Variants in TOGARAM2 observed in about 807,000 individuals in gnomAD.
TOGARAM2 encodes TOG array regulator of axonemal microtubules protein 2.
TOGARAM2 carries 85 observed loss-of-function variants against 93.3 expected under a neutral mutation model. The ratio of observed to expected loss-of-function variants is 0.91; its 90% CI spans 0.76 to 1.09. TOGARAM2 has a LOEUF of 1.09. Among genes scored for constraint, TOGARAM2 ranks in the 50% least tolerant of loss-of-function variants. TOGARAM2 has a pLI of 0.00. For missense variants in TOGARAM2, 1,277 were observed against 1,334.5 expected, an observed-to-expected ratio of 0.96 and a Z score of 0.67; for synonymous variants, 593 against 552.8, an observed-to-expected ratio of 1.07 and a Z score of -1.02.
chr2:29,036,754 C>T lies in TOGARAM2; in HGVS notation c.2632C>T (p.Leu878=). 6.2e-7 allele frequency: 1 copy of T among 1,612,150 alleles called. No individual in the cohort carries two copies. The highest frequency in any genetic ancestry group is 8.5e-7 in the Non-Finnish European group (1 of 1,179,102). The part of the protein sequence containing the change: ...VAVLDAMVES[L]DNLCLLPALA... ...TGTGCTGGATGCGATGGTTGAGAGC[C>T]TGGGTGAGTGTCCCACGTGGGCCTG... The change falls in exon 18 of 20, where the codon CTG becomes TTG. Residue 878 remains leucine, a synonymous_variant. Coordinates refer to ENST00000379558, the MANE Select transcript of TOGARAM2 (RefSeq NM_199280.4).
intron 13 of TOGARAM2, 100 bp from the exon 14 acceptor site, chr2:29,026,753 C>A: frequency 7.8e-7 from 1 of 1,276,550 alleles, no homozygotes; most frequent in Non-Finnish European, 1.0e-6. Flanking sequence ...CCCTGGCTGG[C>A]ATGAAGCATG....
intron 2 of TOGARAM2, among the ~76,000 whole-genome samples, chr2:28,996,075 T>TTCCTG (rs927706481): frequency 5.3e-5 from 8 of 152,218 alleles, no homozygotes; most frequent in African/African-American, 1.9e-4. Flanking sequence ...CCTGGGGCTG[T>TTCCTG]GGGAACACAG....
At chr2:29,041,188 C>T (rs1666415624) in intron 18 of TOGARAM2, among the ~76,000 whole-genome samples, 1 of 152,084 alleles carries the variant, frequency 6.6e-6, no homozygotes, top group Non-Finnish European at 1.5e-5. Flanking sequence ...CCACACCCGG[C>T]CAATTTTTGT....
intron 2 of TOGARAM2, among the ~76,000 whole-genome samples, chr2:28,996,887 C>A (rs1004297798): frequency 2.2e-5 from 3 of 138,158 alleles, no homozygotes; most frequent in African/African-American, 8.0e-5. Flanking sequence ...TTTTTTTATT[C>A]TTTTTTATGG....
chr2:28,968,837 A>T (rs1311158812), intron 1 of TOGARAM2, among the ~76,000 whole-genome samples: 2 of 130,146 alleles, frequency 1.5e-5, no homozygotes, highest in Admixed American at 8.1e-5. Flanking sequence ...AAAAAAAAAA[A>T]AAACAAGGAA....
intron 18 of TOGARAM2, among the ~76,000 whole-genome samples, chr2:29,044,404 T>A (rs780748923): frequency 6.6e-6 from 1 of 152,072 alleles, no homozygotes; most frequent in Non-Finnish European, 1.5e-5. Flanking sequence ...GATGATAATA[T>A]GTGCTCCTCA....
intron 18 of TOGARAM2, among the ~76,000 whole-genome samples, chr2:29,038,320 A>C (rs1666239069): frequency 6.6e-6 from 1 of 152,078 alleles, no homozygotes; most frequent in Non-Finnish European, 1.5e-5. Context: ...GCTTTGGTGC[A>C]ATGGGAAGGG....
intron 19 of TOGARAM2, 189 bp downstream of exon 19, chr2:29,045,599 A>G: frequency 1.6e-6 from 1 of 614,704 alleles, no homozygotes; most frequent in Non-Finnish European, 2.9e-6. Flanking sequence ...TTTGTTTTTG[A>G]TCAAAATGAA....
At chr2:28,957,583 C>T (rs1019332775) in intron 1 of TOGARAM2, among the ~76,000 whole-genome samples, 1 of 152,200 alleles carries the variant, frequency 6.6e-6, no homozygotes, top group African/African-American at 2.4e-5. Flanking sequence ...AATTGTGGCT[C>T]TTCTCCCTCT....
chr2:28,979,651 T>G (rs1282683158), upstream of TOGARAM2, among the ~76,000 whole-genome samples: 15 of 152,194 alleles, frequency 9.9e-5, no homozygotes, highest in Admixed American at 9.8e-4. Flanking sequence ...CCAGCCCACC[T>G]TGGGAACACA....
At chr2:29,040,780 A>G (rs1666384176) in intron 18 of TOGARAM2, among the ~76,000 whole-genome samples, 1 of 152,116 alleles carries the variant, frequency 6.6e-6, no homozygotes, top group Admixed American at 6.5e-5. Context: ...CTGCGCCATA[A>G]GGCTCTCCCA....
chr2:29,024,494 A>C (rs1429969622), intron 13 of TOGARAM2, 120 bp downstream of exon 13: 60 of 828,280 alleles, frequency 7.2e-5, no homozygotes, highest in Non-Finnish European at 1.9e-5. Flanking sequence ...GAAGCAGGCA[A>C]GTGAGGCTGC....
intron 1 of TOGARAM2, among the ~76,000 whole-genome samples, chr2:28,994,303 G>A (rs1672882957): frequency 6.6e-6 from 1 of 152,122 alleles, no homozygotes; most frequent in Non-Finnish European, 1.5e-5. Context: ...GAGAGGCCCC[G>A]CCAACACCTG....
At chr2:28,973,706 T>C (rs1365242624) in intron 1 of TOGARAM2, among the ~76,000 whole-genome samples, 2 of 151,968 alleles carry the variant, frequency 1.3e-5, no homozygotes, top group African/African-American at 4.8e-5. Context: ...AAAAATGTTT[T>C]TGTAGAGCTC....
At chr2:29,026,196 C>G (rs1665346882) in intron 13 of TOGARAM2, among the ~76,000 whole-genome samples, 2 of 152,234 alleles carry the variant, frequency 1.3e-5, no homozygotes, top group African/African-American at 4.8e-5. Flanking sequence ...GCTCTTGTTT[C>G]TGCCTCACCC....
In TOGARAM2 at chr2:29,052,081, T is replaced by G. The variant is rs77810069; in HGVS notation, c.3048T>G (p.Phe1016Leu). ...AGACAACTGGCAGCTCATACCCTTTTCAGCTGGATTAAAGATGGATCTGAA... is the reference window on the plus strand; with the variant it reads ...AGACAACTGGCAGCTCATACCCTTTGCAGCTGGATTAAAGATGGATCTGAA... ...DSKTTGSSYP[F>L]QLD is the part of the protein sequence containing the mutation. The change falls in exon 20 of 20, where the codon TTT becomes TTG. Residue 1016 changes from phenylalanine (F) to leucine (L), a missense_variant. Phe to Leu is a conservative substitution (Grantham distance 22). Coordinates refer to ENST00000379558, the MANE Select transcript of TOGARAM2 (RefSeq NM_199280.4). 2,629 of 1,574,206 alleles carry G rather than the reference T, an allele frequency of 1.7e-3. 92 individuals carry two copies. In the East Asian group the frequency reaches 0.047, roughly 28 times the overall value.
intron 1 of TOGARAM2, among the ~76,000 whole-genome samples, chr2:28,957,215 G>A (rs1325599425): frequency 6.6e-6 from 1 of 152,086 alleles, no homozygotes. Flanking sequence ...GTTTGTTTGA[G>A]ATGGAGTTTT....
intron 1 of TOGARAM2, among the ~76,000 whole-genome samples, chr2:28,982,519 C>T (rs907093207): frequency 6.6e-6 from 1 of 152,280 alleles, no homozygotes; most frequent in East Asian, 1.9e-4. Flanking sequence ...GACGGCCCTG[C>T]AGCCTTCTAG....
intron 6 of TOGARAM2, among the ~76,000 whole-genome samples, chr2:29,010,027 AG>A (rs1317768725): frequency 1.7e-3 from 85 of 51,216 alleles, no homozygotes; most frequent in African/African-American, 5.0e-3. Context: ...TGCTCAGAGC[AG>A]GTGTGTGTGT....
Sources: gnomAD v4.1 joint callset for allele counts (sites outside exome capture counted in the v4.1 genomes callset) on GRCh38, gnomAD v4.1.1 for gene constraint, MANE v1.5 for transcripts, NCBI Gene and HGNC (gene_info 2026-07-23, HGNC 2026-07-21) for gene names.